DOK5: variants seen among roughly 807,000 people sequenced by gnomAD.
DOK5 encodes the protein docking protein 5.
Under a neutral mutation model 43.3 loss-of-function variants are expected in DOK5, and 27 were observed. The ratio of observed to expected loss-of-function variants is 0.62; its 90% CI spans 0.46 to 0.86. The LOEUF (loss-of-function observed/expected upper bound fraction) is 0.86. DOK5 is among the 40% of genes least tolerant of loss of function. DOK5 has a pLI of 0.00. For missense variants in DOK5, 373 were observed against 392.9 expected, an observed-to-expected ratio of 0.95 and a Z score of 0.43; for synonymous variants, 146 against 140.1, an observed-to-expected ratio of 1.04 and a Z score of -0.30.
chr20:54,623,544 CAT>C (rs1276853327), intron 6 of DOK5, among the ~76,000 whole-genome samples: 1 of 152,096 alleles, frequency 6.6e-6, no homozygotes, highest in African/African-American at 2.4e-5. Flanking sequence ...AGATTCAACA[CAT>C]GTGAACTATT....
chr20:54,564,409 C>T (rs550261111), intron 2 of DOK5, among the ~76,000 whole-genome samples: 8 of 152,078 alleles, frequency 5.3e-5, no homozygotes, highest in East Asian at 3.9e-4. Flanking sequence ...CCAGCCTCGG[C>T]GACAAAGCAA....
intron 1 of DOK5, among the ~76,000 whole-genome samples, chr20:54,518,207 T>G (rs967198866): frequency 3.3e-5 from 5 of 152,156 alleles, no homozygotes; most frequent in Non-Finnish European, 7.4e-5. Context: ...ATGTGCCATG[T>G]TGGTGTGCTG....
At chr20:54,578,719 C>G (rs1246930118) in intron 2 of DOK5, among the ~76,000 whole-genome samples, 1 of 152,140 alleles carries the variant, frequency 6.6e-6, no homozygotes, top group Non-Finnish European at 1.5e-5. Flanking sequence ...ATTGTGTCTC[C>G]TGTTTCGTTG....
intron 5 of DOK5, among the ~76,000 whole-genome samples, chr20:54,604,132 G>C (rs1039729524): frequency 6.6e-6 from 1 of 151,676 alleles, no homozygotes; most frequent in African/African-American, 2.4e-5. Flanking sequence ...ATTTTGAGTA[G>C]AGACGGGGTT....
intron 6 of DOK5, among the ~76,000 whole-genome samples, chr20:54,621,315 G>A (rs1381678165): frequency 6.6e-6 from 1 of 152,214 alleles, no homozygotes; most frequent in Non-Finnish European, 1.5e-5. Context: ...AAAAGAAACA[G>A]TGGTTGAGTT....
rs747302021 is a variant in DOK5 at position 54,567,699 on chromosome 20, C to T, written c.174+12659C>T. ...CCTTTCCATAAAACTTAAAAATAAG[C>T]CTGTCTATATCTACAGAAAATCCTT... On this transcript the variant is annotated intron_variant, in intron 2 of 7. Coordinates refer to ENST00000262593, the MANE Select transcript of DOK5 (RefSeq NM_018431.5). Among the ~76,000 whole-genome samples the T allele has an allele frequency of 1.7e-4, 26 of 152,110 alleles. 1 individual carries two copies. In the South Asian group the frequency reaches 4.6e-3, roughly 27 times the overall value.
chr20:54,495,599 A>C (rs1982360771), intron 1 of DOK5, among the ~76,000 whole-genome samples: 1 of 152,360 alleles, frequency 6.6e-6, no homozygotes, highest in South Asian at 2.1e-4. Flanking sequence ...TTAAAGATTT[A>C]GAAAGAAGTG....
At chr20:54,580,636 T>C (rs898650777) in intron 2 of DOK5, among the ~76,000 whole-genome samples, 8 of 152,190 alleles carry the variant, frequency 5.3e-5, no homozygotes, top group South Asian at 2.1e-4. Context: ...TTCTGATATA[T>C]CCATTGGTCA....
intron 2 of DOK5, among the ~76,000 whole-genome samples, chr20:54,563,675 T>G (rs962145034): frequency 6.6e-6 from 1 of 150,976 alleles, no homozygotes; most frequent in Admixed American, 6.6e-5. Context: ...TTTTTTTTTT[T>G]TTTTTTTTTT....
At chr20:54,480,121 A>G (rs1981609523) in intron 1 of DOK5, among the ~76,000 whole-genome samples, 1 of 152,136 alleles carries the variant, frequency 6.6e-6, no homozygotes, top group African/African-American at 2.4e-5. Context: ...GAAATGTAAG[A>G]AAGGTCATGT....
chr20:54,593,283 A>T (rs1986037961), intron 5 of DOK5, among the ~76,000 whole-genome samples: 1 of 151,954 alleles, frequency 6.6e-6, no homozygotes, highest in African/African-American at 2.4e-5. Flanking sequence ...ATTACATTTT[A>T]AATAATCAAA....
In DOK5 at chr20:54,490,092, A is replaced by C. The variant is rs923413836; in HGVS notation, c.66+14080A>C. Among the ~76,000 whole-genome samples, 8 of 152,318 alleles carry C rather than the reference A, an allele frequency of 5.3e-5. No homozygotes were observed. In the South Asian group the frequency reaches 1.7e-3, roughly 32 times the overall value. On this transcript the variant is annotated intron_variant, in intron 1 of 7. Transcript: ENST00000262593. Reference sequence around the variant, plus strand: ...ATAATTAGAATCTTTTCAGTTGTGCAGGCTTTTTTCTTTTAAGAGTAATAT... The same window carrying C: ...ATAATTAGAATCTTTTCAGTTGTGCCGGCTTTTTTCTTTTAAGAGTAATAT...
Position 54,598,471 on chromosome 20 carries a change from T to A in DOK5, c.599+6666T>A, listed in dbSNP as rs527313367. ...ATCTCCCTTGGAACCATTCTTGCAA[T>A]GTGATTGTGTAGAGAAGGGTGGCAG... On this transcript the variant is annotated intron_variant, in intron 5 of 7. Transcript: ENST00000262593. Among the ~76,000 whole-genome samples, 5 of 152,298 alleles carry A rather than the reference T, an allele frequency of 3.3e-5. No individual in the cohort carries two copies. In the East Asian group the frequency reaches 9.6e-4, roughly 29 times the overall value.
chr20:54,531,423 T>G (rs1351995135), intron 1 of DOK5, among the ~76,000 whole-genome samples: 1 of 152,202 alleles, frequency 6.6e-6, no homozygotes, highest in Non-Finnish European at 1.5e-5. Flanking sequence ...AAGGATAAAT[T>G]GATATTATAG....
chr20:54,535,742 T>C (rs16999743), intron 1 of DOK5, among the ~76,000 whole-genome samples: 2,635 of 152,306 alleles, frequency 0.017, 84 homozygotes, highest in African/African-American at 0.06. Flanking sequence ...CTTGGTACAA[T>C]GAACTTTTTA....
At chr20:54,568,071 T>C (rs1194179771) in intron 2 of DOK5, among the ~76,000 whole-genome samples, 2 of 152,214 alleles carry the variant, frequency 1.3e-5, no homozygotes, top group African/African-American at 2.4e-5. Context: ...TGATTAATTG[T>C]CTTTGCATTT....
At chr20:54,615,253 C>T (rs570797767) in intron 6 of DOK5, among the ~76,000 whole-genome samples, 16 of 152,162 alleles carry the variant, frequency 1.1e-4, no homozygotes, top group Admixed American at 5.2e-4. Flanking sequence ...CCTGTGGGTC[C>T]GATAATAATA....
intron 6 of DOK5, among the ~76,000 whole-genome samples, chr20:54,610,838 A>C (rs1986624603): frequency 6.6e-6 from 1 of 152,240 alleles, no homozygotes; most frequent in Non-Finnish European, 1.5e-5. Context: ...TTGCTATGTC[A>C]GAAGTTATTT....
At chr20:54,634,118 A>G (rs1225397048) in intron 6 of DOK5, among the ~76,000 whole-genome samples, 1 of 152,194 alleles carries the variant, frequency 6.6e-6, no homozygotes, top group African/African-American at 2.4e-5. Flanking sequence ...GGTATGGCAG[A>G]CAGTTGTTTT....
Sources: gnomAD v4.1 joint callset for allele counts (sites outside exome capture counted in the v4.1 genomes callset) on GRCh38, gnomAD v4.1.1 for gene constraint, MANE v1.5 for transcripts, NCBI Gene and HGNC (gene_info 2026-07-23, HGNC 2026-07-21) for gene names.